GRAMD1A: variants seen among roughly 807,000 people sequenced by gnomAD.
The protein encoded by GRAMD1A is GRAM domain containing 1A.
A neutral mutation model predicts 92.0 loss-of-function variants in GRAMD1A; 50 were observed. The ratio of observed to expected loss-of-function variants is 0.54; its 90% CI spans 0.43 to 0.69. GRAMD1A has a LOEUF of 0.69. Among genes scored for constraint, GRAMD1A ranks in the 30% least tolerant of loss-of-function variants. GRAMD1A has a pLI of 0.00. For synonymous variants in GRAMD1A, 405 were observed against 403.6 expected, an observed-to-expected ratio of 1.00 and a Z score of -0.04; for missense variants, 819 against 978.9, an observed-to-expected ratio of 0.84 and a Z score of 2.18.
In GRAMD1A at chr19:35,013,389, G is replaced by C; in HGVS notation, c.719+21G>C. On this transcript the variant is annotated intron_variant, in intron 8 of 19. Coordinates refer to ENST00000317991, the MANE Select transcript of GRAMD1A (RefSeq NM_020895.5). The surrounding 1 kb of genome is among the most constrained non-coding windows in gnomAD (Gnocchi z 4.9). ...CTGGGGTGAGTTGGAGGTCAAAGGAGGTTGAAGGGTTCGGGGGAGAACAGG... is the reference window on the plus strand; with the variant it reads ...CTGGGGTGAGTTGGAGGTCAAAGGACGTTGAAGGGTTCGGGGGAGAACAGG... The C allele has an allele frequency of 2.0e-6, 3 of 1,519,830 alleles. No individual in the cohort carries two copies. Among genetic ancestry groups the C allele is most frequent in the South Asian group, 1.2e-5 (1 of 85,512 alleles). The allele number at this position is 1,519,830 out of a possible 1,614,324, so 94.1% of individuals were successfully genotyped here.
chr19:35,012,354 T>G (rs58085900), intron 7 of GRAMD1A, among the ~76,000 whole-genome samples: 3,097 of 150,378 alleles, frequency 0.021, 102 homozygotes, highest in African/African-American at 0.072. Flanking sequence ...TTCCAGATGG[T>G]TTTGAAGATA....
chr19:35,010,484 G>A (rs751402153), intron 6 of GRAMD1A, 105 bp downstream of exon 6: 2 of 764,884 alleles, frequency 2.6e-6, no homozygotes, highest in Middle Eastern at 2.6e-4. Flanking sequence ...TTCTCTCCGA[G>A]CTGTCCCCTT....
At chr19:35,008,072 T>C (rs1286077259) in intron 1 of GRAMD1A, among the ~76,000 whole-genome samples, 1 of 152,088 alleles carries the variant, frequency 6.6e-6, no homozygotes, top group East Asian at 1.9e-4. Context: ...CTCACACCTG[T>C]AATCCCAGCA....
At position 35,013,443 on chromosome 19, in the gene GRAMD1A, C is replaced by A; in HGVS notation, c.719+75C>A. On this transcript the variant is annotated intron_variant, in intron 8 of 19. Transcript: ENST00000317991. The surrounding 1 kb of genome is among the most constrained non-coding windows in gnomAD (Gnocchi z 4.9). ...GTCGGCGTGCAGAGTTCCTGGAGTG[C>A]TGGGGGGCCTGAGATGGTTGTATGA... The A allele has an allele frequency of 1.3e-6, 2 of 1,519,450 alleles. No homozygotes were observed. The allele number at this position is 1,519,450 out of a possible 1,614,324, so 94.1% of individuals were successfully genotyped here.
chr19:35,010,034 G>A lies in GRAMD1A; in HGVS notation c.326-58G>A, dbSNP rs777876288. ...GCCCTGTGACTCTCCGCCAGCCCGC[G>A]GGCGCCGGCTGAGCCTCGTGACTTG... On this transcript the variant is annotated intron_variant, in intron 4 of 19. Coordinates refer to ENST00000317991, the MANE Select transcript of GRAMD1A (RefSeq NM_020895.5). The A allele has an allele frequency of 8.6e-5, 132 of 1,532,840 alleles. 1 individual carries two copies. Among genetic ancestry groups the A allele is most frequent in the Admixed American group, 1.2e-4 (7 of 59,888 alleles). 95.0% of individuals were successfully genotyped at this position (1,532,840 alleles called of 1,614,324 possible). A position where few individuals can be genotyped will look rare whatever the true frequency, so the allele number is the denominator to read the frequency against.
At chr19:35,008,547 C>T (rs1275653127) in intron 1 of GRAMD1A, among the ~76,000 whole-genome samples, 1 of 151,380 alleles carries the variant, frequency 6.6e-6, no homozygotes, top group East Asian at 1.9e-4. Context: ...GTAGGCTGGG[C>T]ACGGTGGCTC....
intron 11 of GRAMD1A, among the ~76,000 whole-genome samples, chr19:35,017,762 T>G (rs1289127967): frequency 6.6e-6 from 1 of 152,080 alleles, no homozygotes; most frequent in Non-Finnish European, 1.5e-5. Flanking sequence ...AGCCTTCCCT[T>G]ACCTTCCTCA....
At chr19:35,015,523 C>T (rs535672914) in intron 10 of GRAMD1A, 3 of 312,952 alleles carry the variant, frequency 9.6e-6, no homozygotes, top group Non-Finnish European at 1.8e-5. Context: ...TGCTGTGCCC[C>T]TAGGTTGATG....
rs1443286919 is a variant in GRAMD1A, at chr19:35,021,626, GGGGCGT to G, written c.1579+25_1579+30del. ...TCTGGGTAGGGACAGAAGGCCGGCT[GGGGCGT>G]GGGTTGGGGGATGGCCTGGCCAGGT... is the stretch of plus-strand genomic sequence containing the variant. On this transcript the variant is annotated intron_variant, in intron 14 of 19. Transcript: ENST00000317991. The surrounding 1 kb of genome is among the most constrained non-coding windows in gnomAD (Gnocchi z 5.3). 6.2e-7 allele frequency: 1 copy of G among 1,613,096 alleles called. No homozygotes were observed. Among genetic ancestry groups the G allele is most frequent in the Non-Finnish European group, 8.5e-7 (1 of 1,179,024 alleles).
At chr19:35,003,143 CGTGTGTGTGTGTGTGT>C (rs60437273) in intron 1 of GRAMD1A, among the ~76,000 whole-genome samples, 20,136 of 141,104 alleles carry the variant, frequency 0.14, 1,511 homozygotes, top group East Asian at 0.17. Context: ...TTGCTCTGTG[CGTGTGTGTGTGTGTGT>C]GTGTGTGTGT....
In GRAMD1A at chr19:35,010,084, C is replaced by T; in HGVS notation, c.326-8C>T. ...GGGTGTCCTCCTGTCTCTCCCCGCC[C>T]CTCTCAGATTACTCCTGCGCCCTGC... On this transcript the variant is annotated splice_region_variant and splice_polypyrimidine_tract_variant and intron_variant, in intron 4 of 19. Coordinates refer to ENST00000317991, the MANE Select transcript of GRAMD1A (RefSeq NM_020895.5). The T allele has an allele frequency of 6.3e-7, 1 of 1,591,520 alleles. No homozygotes were observed. The highest frequency in any genetic ancestry group is 8.6e-7 in the Non-Finnish European group (1 of 1,159,362).
rs750637701 is a variant in GRAMD1A, at chr19:35,010,413, C to T, written c.525+34C>T. The T allele has an allele frequency of 4.2e-6, 6 of 1,426,644 alleles. No homozygotes were observed. In the South Asian group the frequency reaches 4.6e-5, roughly 11 times the overall value. The allele number at this position is 1,426,644 out of a possible 1,614,324, so 88.4% of individuals were successfully genotyped here. ...GGACCCGGTGACGGGACCACGCGGT[C>T]CCCCGCTCAGCAGGCCGCCTCCCCC... On this transcript the variant is annotated intron_variant, in intron 6 of 19. Coordinates refer to ENST00000317991, the MANE Select transcript of GRAMD1A (RefSeq NM_020895.5).
chr19:34,995,618 G>C (rs904303722), upstream of GRAMD1A, among the ~76,000 whole-genome samples: 26 of 122,022 alleles, frequency 2.1e-4, no homozygotes, highest in African/African-American at 7.8e-4. Flanking sequence ...GTCTCGCTCT[G>C]TTGCCCAGGC....
intron 5 of GRAMD1A, 39 bp downstream of exon 5, chr19:35,010,234 C>T: frequency 6.3e-7 from 1 of 1,588,616 alleles, no homozygotes; most frequent in Middle Eastern, 1.7e-4. Flanking sequence ...GGCGGGGGCC[C>T]CCATGGCCAG....
intron 1 of GRAMD1A, among the ~76,000 whole-genome samples, chr19:35,007,687 C>T (rs2151707813): frequency 6.6e-6 from 1 of 151,746 alleles, no homozygotes; most frequent in East Asian, 2.0e-4. Flanking sequence ...GGCAACATAG[C>T]TAGACCCCAT....
chr19:34,998,022 C>A (rs999200053), upstream of GRAMD1A, among the ~76,000 whole-genome samples: 8 of 146,832 alleles, frequency 5.4e-5, no homozygotes, highest in Non-Finnish European at 1.0e-4. Flanking sequence ...GAGCCAAGAT[C>A]GAGCCACTGC....
At chr19:34,996,293 T>A, upstream of GRAMD1A, 1 of 1,516,800 alleles carries the variant, frequency 6.6e-7, no homozygotes, top group Non-Finnish European at 8.8e-7. Context: ...CCAGGACAGG[T>A]CAGACCTGGG....
At chr19:34,998,807 AG>A (rs1056934783), upstream of GRAMD1A, among the ~76,000 whole-genome samples, 24 of 121,820 alleles carry the variant, frequency 2.0e-4, no homozygotes, top group Non-Finnish European at 1.7e-4. Context: ...GCACGGCGAT[AG>A]GGGGGGTGCT....
chr19:35,010,238 T>C (rs371173600), intron 5 of GRAMD1A, 43 bp downstream of exon 5: 24 of 1,585,182 alleles, frequency 1.5e-5, no homozygotes, highest in Admixed American at 3.3e-5. Flanking sequence ...GGGGCCCCCA[T>C]GGCCAGGCCC....
Sources: allele counts gnomAD v4.1 joint callset (sites outside exome capture counted in the v4.1 genomes callset), GRCh38; gene constraint gnomAD v4.1.1; non-coding constraint Gnocchi (gnomAD v3.1); transcripts MANE v1.5; gene names NCBI Gene and HGNC (gene_info 2026-07-23, HGNC 2026-07-21).